Variants in SETD7 observed in about 807,000 individuals in gnomAD.
SETD7 encodes SET domain containing 7, histone lysine methyltransferase.
A neutral mutation model predicts 41.8 loss-of-function variants in SETD7; 16 were observed. The ratio of observed to expected loss-of-function variants is 0.38; its 90% CI spans 0.26 to 0.58. The LOEUF is 0.58. Among genes scored for constraint, SETD7 ranks in the 20% least tolerant of loss-of-function variants. The pLI is 0.64. For missense variants in SETD7, 346 were observed against 459.7 expected (o/e 0.75, Z 2.26); for synonymous variants, 163 against 169.7 (o/e 0.96, Z 0.31).
intron 7 of SETD7, among the ~76,000 whole-genome samples, chr4:139,498,977 G>A (rs932255176): frequency 1.3e-5 from 2 of 152,190 alleles, no homozygotes. Flanking sequence ...CATGATAATT[G>A]TTTGAACCCA....
intron 7 of SETD7, among the ~76,000 whole-genome samples, chr4:139,514,740 C>T (rs191877927): frequency 1.2e-4 from 19 of 152,364 alleles, no homozygotes; most frequent in African/African-American, 3.6e-4. Context: ...CAAACCAAAC[C>T]TCTGTGCCAA....
intron 7 of SETD7, among the ~76,000 whole-genome samples, chr4:139,512,669 C>A (rs1262982576): frequency 6.6e-6 from 1 of 151,892 alleles, no homozygotes. Context: ...ACATGTAAGG[C>A]ATGGCCAGAA....
At chr4:139,541,526 T>C (rs1727777791) in intron 2 of SETD7, among the ~76,000 whole-genome samples, 1 of 152,184 alleles carries the variant, frequency 6.6e-6, no homozygotes, top group Non-Finnish European at 1.5e-5. Flanking sequence ...ATCAATTCCT[T>C]TATCTCGGGA....
rs559792562 is a variant in SETD7, at chr4:139,553,919, C to G, written c.40+2179G>C. Among the ~76,000 whole-genome samples the G allele has an allele frequency of 1.0e-3, 157 of 152,306 alleles. 1 individual carries two copies. The highest frequency in any genetic ancestry group is 3.6e-3 in the African/African-American group (149 of 41,564). On this transcript the variant is annotated intron_variant, in intron 1 of 7. Coordinates refer to ENST00000274031, the MANE Select transcript of SETD7 (RefSeq NM_030648.4). ...GATGTTATGTAAAGACTATTGCAAA[C>G]AGCACTAAAAAGGCCAAGAATGGCT...
At position 139,552,627 on chromosome 4, in the gene SETD7, C is replaced by T. The variant is rs942844117; in HGVS notation, c.40+3471G>A. ...CTACCCAGCCTCCTTTCCCTGTCTT[C>T]CCCTCCACTTTTCTCCTTGTAAGCT... On this transcript the variant is annotated intron_variant, in intron 1 of 7. Transcript: ENST00000274031. 3.3e-5 allele frequency among the ~76,000 whole-genome samples: 5 copies of T among 152,268 alleles called. No individual in the cohort carries two copies. The East Asian group carries it at 9.7e-4, about 29-fold the overall frequency.
chr4:139,545,467 T>C (rs1727913889), intron 2 of SETD7, among the ~76,000 whole-genome samples: 1 of 152,152 alleles, frequency 6.6e-6, no homozygotes, highest in Non-Finnish European at 1.5e-5. Context: ...GGCACTCAAG[T>C]ATCCACCCAA....
In SETD7 at chr4:139,533,193, C is replaced by G; in HGVS notation, c.344G>C (p.Arg115Pro). 6.2e-7 allele frequency: 1 copy of G among 1,614,130 alleles called. No individual in the cohort carries two copies. The highest frequency in any genetic ancestry group is 8.5e-7 in the Non-Finnish European group (1 of 1,179,998). The change falls in exon 3 of 8, where the codon CGT becomes CCT. Residue 115 changes from arginine (R) to proline (P), a missense_variant. Physicochemically the swap from Arg to Pro is moderately radical, Grantham distance 103. Coordinates refer to ENST00000274031, the MANE Select transcript of SETD7 (RefSeq NM_030648.4). ...GTAATATATCCAGCACACTCCATGACGAATGTTATCTTTATACTGCCCCTT... is the reference window on the plus strand; with the variant it reads ...GTAATATATCCAGCACACTCCATGAGGAATGTTATCTTTATACTGCCCCTT... ...IFKGQYKDNIRHGVCWIYYPD... is the reference protein window; with the variant it reads ...IFKGQYKDNIPHGVCWIYYPD...
chr4:139,518,211 C>T (rs1727083680), intron 6 of SETD7, among the ~76,000 whole-genome samples, 169 bp from the exon 7 acceptor site: 1 of 152,236 alleles, frequency 6.6e-6, no homozygotes, highest in Non-Finnish European at 1.5e-5. Flanking sequence ...TCACCACAAC[C>T]TCTGCCTCCC....
At chr4:139,497,647 T>G in intron 7 of SETD7, among the ~76,000 whole-genome samples, 1 of 151,148 alleles carries the variant, frequency 6.6e-6, no homozygotes, top group Non-Finnish European at 1.5e-5. Flanking sequence ...TGGAGTGCAG[T>G]TGCGCAATCT....
chr4:139,499,767 G>A (rs1437219992), intron 7 of SETD7, among the ~76,000 whole-genome samples: 2 of 152,012 alleles, frequency 1.3e-5, no homozygotes, highest in African/African-American at 2.4e-5. Context: ...TTCTTTCTTC[G>A]CTGCAACATC....
At chr4:139,518,353 T>G (rs904170502) in intron 6 of SETD7, among the ~76,000 whole-genome samples, 1 of 152,166 alleles carries the variant, frequency 6.6e-6, no homozygotes, top group African/African-American at 2.4e-5. Context: ...GGTCTCGAAC[T>G]CCTGACCTCA....
At chr4:139,539,198 C>T (rs1334652368) in intron 2 of SETD7, among the ~76,000 whole-genome samples, 1 of 152,032 alleles carries the variant, frequency 6.6e-6, no homozygotes, top group Non-Finnish European at 1.5e-5. Flanking sequence ...CACTGTGTTC[C>T]CTTCCTTTTG....
chr4:139,519,854 T>C (rs1727131168), intron 6 of SETD7, among the ~76,000 whole-genome samples: 1 of 152,240 alleles, frequency 6.6e-6, no homozygotes, highest in East Asian at 1.9e-4. Flanking sequence ...TTCAACTCTT[T>C]AACATTTTGT....
In SETD7 at chr4:139,509,873, T is replaced by G; in HGVS notation, c.*1790A>C. 1 of 985,434 alleles carries G rather than the reference T, an allele frequency of 1.0e-6. No individual in the cohort carries two copies. The highest frequency in any genetic ancestry group is 1.2e-6 in the Non-Finnish European group (1 of 829,932). 61.0% of individuals were successfully genotyped at this position (985,434 alleles called of 1,614,324 possible). A position where few individuals can be genotyped will look rare whatever the true frequency, so the allele number is the denominator to read the frequency against. ...TTCCTCTCATGGGTGAACCATTGGC[T>G]TAAGCTTTCAAGCAGGGATCCAACT... On this transcript the variant is annotated 3_prime_UTR_variant, in exon 8 of 8. Transcript: ENST00000274031.
In SETD7 at chr4:139,510,446, A is replaced by G. The variant is rs1191072968; in HGVS notation, c.*1217T>C. On this transcript the variant is annotated 3_prime_UTR_variant, in exon 8 of 8. Coordinates refer to ENST00000274031, the MANE Select transcript of SETD7 (RefSeq NM_030648.4). Reference sequence around the variant, plus strand: ...CTTATTTCTGCAGTTGTGATTACACATGGCTGGCAAAATGGCTGAAATGCT... The same window carrying G: ...CTTATTTCTGCAGTTGTGATTACACGTGGCTGGCAAAATGGCTGAAATGCT... The G allele has an allele frequency of 6.6e-6, 1 of 152,236 alleles. No individual in the cohort carries two copies. Among genetic ancestry groups the G allele is most frequent in the East Asian group, 1.9e-4 (1 of 5,206 alleles). The allele number at this position is 152,236 out of a possible 1,614,324, so 9.4% of individuals were successfully genotyped here.
At chr4:139,503,657 TA>T (rs1177906612), downstream of SETD7, among the ~76,000 whole-genome samples, 1 of 151,852 alleles carries the variant, frequency 6.6e-6, no homozygotes, top group Non-Finnish European at 1.5e-5. Flanking sequence ...GAATTATTTT[TA>T]AAAATCCATT....
intron 1 of SETD7, among the ~76,000 whole-genome samples, chr4:139,550,051 T>G (rs1419952740): frequency 6.6e-6 from 1 of 152,040 alleles, no homozygotes; most frequent in Non-Finnish European, 1.5e-5. Context: ...AACGGCTAAT[T>G]AAAAATTTTT....
chr4:139,546,320 A>G (rs1727944253), intron 2 of SETD7: 1 of 200,102 alleles, frequency 5.0e-6, no homozygotes, highest in South Asian at 8.7e-5. Context: ...TGGGACTGCA[A>G]TGATGTGGCT....
At chr4:139,502,277 A>G (rs77778065), downstream of SETD7, among the ~76,000 whole-genome samples, 88 of 152,370 alleles carry the variant, frequency 5.8e-4, no homozygotes, top group East Asian at 0.016. Flanking sequence ...AACAATCAAC[A>G]TAATATAACT....
Sources: allele counts gnomAD v4.1 joint callset (sites outside exome capture counted in the v4.1 genomes callset), GRCh38; gene constraint gnomAD v4.1.1; transcripts MANE v1.5; gene names NCBI Gene and HGNC (gene_info 2026-07-23, HGNC 2026-07-21).